The following FRMD4A variants were observed in gnomAD, a reference collection of about 807,000 sequenced individuals.
FRMD4A encodes the protein FERM domain-containing protein 4A.
FRMD4A carries 29 observed loss-of-function variants against 129.1 expected under a neutral mutation model. The observed-to-expected ratio is 0.22, with a 90% CI of 0.17 to 0.31. FRMD4A has a LOEUF of 0.31. FRMD4A is among the 10% of genes least tolerant of loss of function. The probability of loss-of-function intolerance (pLI) is 1.00; values close to 1 mark genes in which losing one functional copy is unlikely to be tolerated. For missense variants in FRMD4A, 1,272 were observed against 1,375.8 expected (o/e 0.92, Z 1.19); for synonymous variants, 634 against 571.6 (o/e 1.11, Z -1.56).
rs189563907 is a variant in FRMD4A at position 13,854,954 on chromosome 10, C to T, written c.111+3893G>A. ...GACTTAAGGAGCTACCTGGTAAAGA[C>T]GTGGGTGTCAGGAAATTGCCTGTGG... On this transcript the variant is annotated intron_variant, in intron 3 of 24. Coordinates refer to ENST00000357447, the MANE Select transcript of FRMD4A (RefSeq NM_018027.5). Among the ~76,000 whole-genome samples the T allele has an allele frequency of 4.2e-3, 639 of 152,272 alleles. 5 individuals are homozygous for T. Among genetic ancestry groups the T allele is most frequent in the African/African-American group, 0.014 (570 of 41,538 alleles).
intron 2 of FRMD4A, among the ~76,000 whole-genome samples, chr10:13,882,018 T>G (rs1255494853): frequency 5.9e-4 from 9 of 15,174 alleles, no homozygotes; most frequent in East Asian, 3.5e-3. Flanking sequence ...TGTGTGTGTG[T>G]GTGTGTGTGT....
intron 2 of FRMD4A, among the ~76,000 whole-genome samples, chr10:14,024,950 C>T (rs1427854290): frequency 6.6e-6 from 1 of 152,232 alleles, no homozygotes; most frequent in Non-Finnish European, 1.5e-5. Context: ...GTGGGTCCCA[C>T]AGAAGTTGGC....
intron 15 of FRMD4A, among the ~76,000 whole-genome samples, chr10:13,690,312 G>C (rs564618016): frequency 2.0e-4 from 31 of 152,338 alleles, no homozygotes; most frequent in African/African-American, 6.5e-4. Context: ...CCCATTGCAA[G>C]GGATGTCGAA....
At chr10:13,758,380 A>C (rs1052336688) in intron 8 of FRMD4A, among the ~76,000 whole-genome samples, 3 of 152,174 alleles carry the variant, frequency 2.0e-5, no homozygotes, top group Non-Finnish European at 2.9e-5. Context: ...GTGTGTTCTA[A>C]GCTGGTATTT....
intron 2 of FRMD4A, among the ~76,000 whole-genome samples, chr10:13,940,686 C>T (rs1399276042): frequency 1.3e-5 from 2 of 152,188 alleles, no homozygotes; most frequent in East Asian, 3.8e-4. Flanking sequence ...TTGAGGCTGA[C>T]CCGGGTAGTG....
In FRMD4A at chr10:13,699,068, T is replaced by C. The variant is rs943416682; in HGVS notation, c.975+2272A>G. 5.3e-4 allele frequency among the ~76,000 whole-genome samples: 80 copies of C among 150,964 alleles called. 1 individual carries two copies. The highest frequency in any genetic ancestry group is 5.3e-3 in the East Asian group (27 of 5,132). ...TCTACAATAATCTTTTTTTTTTTTT[T>C]TTTCTGAGATGGAGTCTCACTCTGT... is the stretch of plus-strand genomic sequence containing the variant. On this transcript the variant is annotated intron_variant, in intron 14 of 24. Transcript: ENST00000357447.
At chr10:14,022,361 T>C (rs1302182276) in intron 2 of FRMD4A, among the ~76,000 whole-genome samples, 1 of 152,156 alleles carries the variant, frequency 6.6e-6, no homozygotes, top group Non-Finnish European at 1.5e-5. Flanking sequence ...CAGAGACTAA[T>C]GTTGACCAGT....
At chr10:14,014,472 G>A (rs1393733828) in intron 2 of FRMD4A, among the ~76,000 whole-genome samples, 1 of 152,112 alleles carries the variant, frequency 6.6e-6, no homozygotes, top group African/African-American at 2.4e-5. Flanking sequence ...GGGAAACCCT[G>A]TGTTTCTTCA....
chr10:14,134,946 TA>T (rs1285945818), intron 2 of FRMD4A, among the ~76,000 whole-genome samples: 1 of 152,224 alleles, frequency 6.6e-6, no homozygotes, highest in Non-Finnish European at 1.5e-5. Context: ...GACATCAGAA[TA>T]AAATGCCCTT....
intron 2 of FRMD4A, among the ~76,000 whole-genome samples, chr10:14,141,099 C>T (rs1839812131): frequency 6.6e-6 from 1 of 152,008 alleles, no homozygotes; most frequent in Non-Finnish European, 1.5e-5. Context: ...CAAGGAGAAG[C>T]AGGAGATGGA....
intron 12 of FRMD4A, among the ~76,000 whole-genome samples, chr10:13,719,834 T>C (rs1041343628): frequency 1.4e-4 from 22 of 152,196 alleles, no homozygotes; most frequent in Admixed American, 1.4e-3. Flanking sequence ...GGGTCTGCAG[T>C]ACTCCAGCAA....
At chr10:13,729,590 A>T (rs909906649) in intron 12 of FRMD4A, 2 of 152,156 alleles carry the variant, frequency 1.3e-5, no homozygotes, top group East Asian at 3.8e-4. Context: ...AGTGAAAGTA[A>T]TGCATCAATT....
chr10:14,010,662 G>GTTTTTTTTTTTTTTT (rs1404083388), intron 2 of FRMD4A, among the ~76,000 whole-genome samples: 5 of 66,518 alleles, frequency 7.5e-5, no homozygotes, highest in East Asian at 7.1e-4. Flanking sequence ...TCGAGTTTAG[G>GTTTTTTTTTTTTTTT]TCTTTTTTTT....
chr10:13,778,940 C>T (rs137871698), intron 6 of FRMD4A, among the ~76,000 whole-genome samples: 72 of 152,170 alleles, frequency 4.7e-4, no homozygotes, highest in African/African-American at 1.7e-3. Flanking sequence ...CATGTGTATC[C>T]CAGAACTTAA....
At chr10:14,133,914 G>C (rs931025217) in intron 2 of FRMD4A, among the ~76,000 whole-genome samples, 1 of 151,988 alleles carries the variant, frequency 6.6e-6, no homozygotes, top group East Asian at 1.9e-4. Flanking sequence ...TTTGCTGGGG[G>C]CATGTGGTGA....
At chr10:13,695,205 G>C (rs1468678915) in intron 14 of FRMD4A, among the ~76,000 whole-genome samples, 1 of 151,732 alleles carries the variant, frequency 6.6e-6, no homozygotes, top group Non-Finnish European at 1.5e-5. Context: ...CAGTGGCCCA[G>C]TCTTGACTCT....
At chr10:14,181,459 CCTT>C (rs1400256334) in intron 2 of FRMD4A, among the ~76,000 whole-genome samples, 4 of 152,080 alleles carry the variant, frequency 2.6e-5, no homozygotes, top group Admixed American at 2.6e-4. Context: ...AGCAATGCCT[CCTT>C]CTTCCCGTCG....
chr10:13,703,107 C>T (rs1032378106), intron 13 of FRMD4A, among the ~76,000 whole-genome samples: 1 of 151,530 alleles, frequency 6.6e-6, no homozygotes, highest in African/African-American at 2.4e-5. Flanking sequence ...ACTTTTTTTT[C>T]CCCCCAGAAA....
At chr10:13,946,037 A>G (rs1014373779) in intron 2 of FRMD4A, among the ~76,000 whole-genome samples, 2 of 152,236 alleles carry the variant, frequency 1.3e-5, no homozygotes, top group African/African-American at 4.8e-5. Context: ...TTAGGGAAGT[A>G]AAAAACAGGA....
Sources: allele counts gnomAD v4.1 joint callset (sites outside exome capture counted in the v4.1 genomes callset), GRCh38; gene constraint gnomAD v4.1.1; transcripts MANE v1.5; gene names NCBI Gene and HGNC (gene_info 2026-07-23, HGNC 2026-07-21).